TBC1D22A: variants seen among roughly 807,000 people sequenced by gnomAD.
TBC1D22A encodes TBC1 domain family member 22A.
A neutral mutation model predicts 60.2 loss-of-function variants in TBC1D22A; 38 were observed. The ratio of observed to expected loss-of-function variants is 0.63; its 90% CI spans 0.49 to 0.83. TBC1D22A has a LOEUF of 0.83. Ranked by LOEUF, TBC1D22A falls within the 40% of genes least tolerant of loss-of-function variation. The pLI, the probability that TBC1D22A is intolerant of heterozygous loss-of-function variation, is 0.00. For synonymous variants in TBC1D22A, 302 were observed against 281.7 expected, an observed-to-expected ratio of 1.07 and a Z score of -0.72; for missense variants, 628 against 701.0, an observed-to-expected ratio of 0.90 and a Z score of 1.18.
chr22:47,161,055 G>A (rs940261785), intron 12 of TBC1D22A, among the ~76,000 whole-genome samples: 9 of 152,194 alleles, frequency 5.9e-5, no homozygotes, highest in African/African-American at 2.2e-4. Context: ...GCACATGCTG[G>A]TCAGGCCCTG....
At chr22:46,792,151 C>T (rs529749606) in intron 1 of TBC1D22A, among the ~76,000 whole-genome samples, 20 of 152,230 alleles carry the variant, frequency 1.3e-4, no homozygotes, top group Admixed American at 5.9e-4. Context: ...CCCAGGTGGG[C>T]GTTTCTTCGA....
chr22:47,067,522 C>CA (rs1449381768), intron 11 of TBC1D22A, among the ~76,000 whole-genome samples: 2 of 152,178 alleles, frequency 1.3e-5, no homozygotes, highest in African/African-American at 4.8e-5. Context: ...TGTACATCCA[C>CA]AGAGAATTCC....
intron 5 of TBC1D22A, among the ~76,000 whole-genome samples, chr22:46,878,990 G>A (rs1243302624): frequency 1.3e-5 from 2 of 152,034 alleles, no homozygotes; most frequent in Admixed American, 1.3e-4. Context: ...ATCTTTCTAT[G>A]TTCCAGCCTG....
chr22:46,882,090 C>T (rs184757516), intron 5 of TBC1D22A, among the ~76,000 whole-genome samples: 202 of 152,300 alleles, frequency 1.3e-3, no homozygotes, highest in African/African-American at 4.5e-3. Flanking sequence ...TTTATCATTC[C>T]CTGAATCCCA....
At chr22:47,125,472 C>A (rs2066421066) in intron 12 of TBC1D22A, among the ~76,000 whole-genome samples, 1 of 152,186 alleles carries the variant, frequency 6.6e-6, no homozygotes, top group Non-Finnish European at 1.5e-5. Flanking sequence ...AAATTATACC[C>A]CTCATTATGA....
chr22:46,813,187 T>C (rs1018226030), intron 4 of TBC1D22A, among the ~76,000 whole-genome samples: 1 of 152,256 alleles, frequency 6.6e-6, no homozygotes, highest in African/African-American at 2.4e-5. Flanking sequence ...CTCAATAAAG[T>C]GTATATTGAA....
intron 11 of TBC1D22A, among the ~76,000 whole-genome samples, chr22:47,086,758 A>G (rs984835213): frequency 9.2e-5 from 14 of 152,230 alleles, no homozygotes; most frequent in African/African-American, 3.4e-4. Flanking sequence ...GTGCGGCAGC[A>G]GGGCGGACAC....
chr22:46,804,842 GGTATGGTTTTAAAGGAGCCGCCT>G, intron 4 of TBC1D22A, among the ~76,000 whole-genome samples: 1 of 152,236 alleles, frequency 6.6e-6, no homozygotes, highest in Non-Finnish European at 1.5e-5. Context: ...GTAAGTCTTT[GGTATGGTTTTAAAGGAGCCGCCT>G]TAAAAACTTA....
At chr22:46,841,047 G>GGTGTGTGTGTGTGTGT (rs56029066) in intron 4 of TBC1D22A, among the ~76,000 whole-genome samples, 216 of 147,536 alleles carry the variant, frequency 1.5e-3, no homozygotes, top group African/African-American at 5.1e-3. Flanking sequence ...AATGAAAATG[G>GGTGTGTGTGTGTGTGT]GTGTGTGTGT....
At chr22:46,797,011 T>C (rs1015253183) in intron 3 of TBC1D22A, among the ~76,000 whole-genome samples, 11 of 152,332 alleles carry the variant, frequency 7.2e-5, no homozygotes, top group Admixed American at 3.9e-4. Context: ...TCAGCACCTC[T>C]GCAGGCTTTC....
intron 8 of TBC1D22A, among the ~76,000 whole-genome samples, chr22:46,965,032 G>T (rs2073730765): frequency 6.6e-6 from 1 of 152,218 alleles, no homozygotes; most frequent in African/African-American, 2.4e-5. Context: ...GAAGACCAAG[G>T]ATTGATGAGG....
intron 11 of TBC1D22A, among the ~76,000 whole-genome samples, chr22:47,076,608 G>A (rs1303248223): frequency 6.6e-6 from 1 of 151,916 alleles, no homozygotes; most frequent in African/African-American, 2.4e-5. Context: ...GAAACTATGT[G>A]AGGACTGGTT....
intron 4 of TBC1D22A, among the ~76,000 whole-genome samples, chr22:46,861,548 C>G (rs904276595): frequency 3.3e-5 from 5 of 152,164 alleles, no homozygotes; most frequent in African/African-American, 7.2e-5. Context: ...TCTTGTGGTT[C>G]TTGAATTTGT....
intron 11 of TBC1D22A, among the ~76,000 whole-genome samples, chr22:47,101,542 G>A (rs1354377288): frequency 6.6e-6 from 1 of 152,262 alleles, no homozygotes; most frequent in East Asian, 1.9e-4. Context: ...CAAGGCCCCA[G>A]GAGGAAAGGA....
At chr22:47,156,072 G>A (rs1373936465) in intron 12 of TBC1D22A, among the ~76,000 whole-genome samples, 1 of 152,022 alleles carries the variant, frequency 6.6e-6, no homozygotes, top group Admixed American at 6.5e-5. Flanking sequence ...CCCTCCCCAC[G>A]TGGAGTTTCC....
intron 12 of TBC1D22A, among the ~76,000 whole-genome samples, chr22:47,155,985 G>A (rs6008047): frequency 6.6e-6 from 1 of 152,144 alleles, no homozygotes; most frequent in Non-Finnish European, 1.5e-5. Flanking sequence ...TCTGTGGTGT[G>A]TGCCCAGCGT....
At chr22:47,140,262 G>A (rs1405467272) in intron 12 of TBC1D22A, among the ~76,000 whole-genome samples, 1 of 152,086 alleles carries the variant, frequency 6.6e-6, no homozygotes, top group Non-Finnish European at 1.5e-5. Flanking sequence ...TTAAGATAGA[G>A]CTCATCGGTT....
chr22:47,134,146 AG>A (rs2066776050), intron 12 of TBC1D22A, among the ~76,000 whole-genome samples: 1 of 152,236 alleles, frequency 6.6e-6, no homozygotes, highest in Non-Finnish European at 1.5e-5. Context: ...TTGCCATTAA[AG>A]AAAAAAGTTA....
intron 1 of TBC1D22A, among the ~76,000 whole-genome samples, chr22:46,775,212 G>A (rs1405486978): frequency 6.6e-6 from 1 of 152,198 alleles, no homozygotes; most frequent in East Asian, 1.9e-4. Flanking sequence ...CAGCTCCTCC[G>A]CGAGGGCTTG....
Sources: allele counts gnomAD v4.1 joint callset (sites outside exome capture counted in the v4.1 genomes callset), GRCh38; gene constraint gnomAD v4.1.1; transcripts MANE v1.5; gene names NCBI Gene and HGNC (gene_info 2026-07-23, HGNC 2026-07-21).